VAPB: variants seen among roughly 807,000 people sequenced by gnomAD.
The protein encoded by VAPB is vesicle-associated membrane protein-associated protein B/C.
In VAPB, 7 loss-of-function variants were observed where a neutral mutation model predicts 25.6. The ratio of observed to expected loss-of-function variants is 0.27; its 90% CI spans 0.16 to 0.51. The LOEUF (loss-of-function observed/expected upper bound fraction) is 0.51, where lower values mean the gene tolerates loss of function less well. Ranked by LOEUF, VAPB falls within the 20% of genes least tolerant of loss-of-function variation. The pLI is 0.97. For synonymous variants in VAPB, 112 were observed against 109.2 expected (o/e 1.03, Z -0.16); for missense variants, 266 against 301.3 (o/e 0.88, Z 0.87).
At chr20:58,402,015 C>G (rs1988106696) in intron 1 of VAPB, among the ~76,000 whole-genome samples, 1 of 152,180 alleles carries the variant, frequency 6.6e-6, no homozygotes, top group Non-Finnish European at 1.5e-5. Flanking sequence ...GTCTTCTTGT[C>G]CGAGTCTTCT....
chr20:58,444,280 T>C lies in VAPB; in HGVS notation c.*45T>C, dbSNP rs1383049675. 2 of 1,613,484 alleles carry C rather than the reference T, an allele frequency of 1.2e-6. No homozygotes were observed. The highest frequency in any genetic ancestry group is 2.7e-5 in the African/African-American group (2 of 74,926). ...GTAAATTGGATTGGTGGATCCACCATATCATGGGATTTAAATTTATCATAA... is the reference window on the plus strand; with the variant it reads ...GTAAATTGGATTGGTGGATCCACCACATCATGGGATTTAAATTTATCATAA... On this transcript the variant is annotated 3_prime_UTR_variant, in exon 6 of 6. Coordinates refer to ENST00000475243, the MANE Select transcript of VAPB (RefSeq NM_004738.5).
At chr20:58,414,675 G>C (rs1259736539) in intron 1 of VAPB, among the ~76,000 whole-genome samples, 4 of 151,982 alleles carry the variant, frequency 2.6e-5, no homozygotes, top group Non-Finnish European at 5.9e-5. Flanking sequence ...ATGGCGGCCG[G>C]AAAGAGGCGC....
At chr20:58,430,746 T>G (rs1988909248) in intron 2 of VAPB, among the ~76,000 whole-genome samples, 1 of 151,952 alleles carries the variant, frequency 6.6e-6, no homozygotes, top group Non-Finnish European at 1.5e-5. Context: ...CAGATAATTT[T>G]TGTATTTTTA....
intron 2 of VAPB, among the ~76,000 whole-genome samples, chr20:58,430,820 C>T (rs952879119): frequency 6.6e-6 from 1 of 152,198 alleles, no homozygotes; most frequent in Admixed American, 6.5e-5. Context: ...AGGTGATCCA[C>T]CCGCCTCGGC....
At chr20:58,395,569 T>C (rs182158352) in intron 1 of VAPB, among the ~76,000 whole-genome samples, 1 of 152,234 alleles carries the variant, frequency 6.6e-6, no homozygotes, top group Non-Finnish European at 1.5e-5. Context: ...CAAAGAGTGC[T>C]GAGTTCCATT....
chr20:58,420,227 C>T (rs751128396), intron 2 of VAPB, among the ~76,000 whole-genome samples: 1 of 152,174 alleles, frequency 6.6e-6, no homozygotes, highest in South Asian at 2.1e-4. Context: ...TCAAGTGATC[C>T]GCCTGCCTCG....
chr20:58,426,344 T>G (rs1392255498), intron 2 of VAPB, among the ~76,000 whole-genome samples: 1 of 152,144 alleles, frequency 6.6e-6, no homozygotes, highest in Non-Finnish European at 1.5e-5. Context: ...ACTACAGACA[T>G]GCACCACCAT....
At position 58,402,386 on chromosome 20, in the gene VAPB, G is replaced by A. The variant is rs762907913; in HGVS notation, c.58+12869G>A. Among the ~76,000 whole-genome samples the A allele has an allele frequency of 9.2e-5, 14 of 151,934 alleles. No homozygotes were observed. In the South Asian group the frequency reaches 1.9e-3, roughly 20 times the overall value. ...CTTTTCCTCTTGTTTGTTTCACTGC[G>A]TCCCCCTGCTTACCTTTGAGGCTCA... On this transcript the variant is annotated intron_variant, in intron 1 of 5. Transcript: ENST00000475243.
chr20:58,441,321 T>C (rs1394438794), intron 5 of VAPB, among the ~76,000 whole-genome samples: 1 of 151,446 alleles, frequency 6.6e-6, no homozygotes, highest in African/African-American at 2.4e-5. Flanking sequence ...CTGTTGAAGC[T>C]CTTGTCCCCT....
chr20:58,413,838 T>G, intron 1 of VAPB, among the ~76,000 whole-genome samples: 1 of 117,264 alleles, frequency 8.5e-6, no homozygotes, highest in Admixed American at 8.6e-5. Context: ...CCCCGCCACC[T>G]CCCTCCCAGA....
At chr20:58,419,683 G>A (rs1254302378) in intron 2 of VAPB, among the ~76,000 whole-genome samples, 3 of 152,154 alleles carry the variant, frequency 2.0e-5, no homozygotes, top group African/African-American at 7.2e-5. Flanking sequence ...AGAAAGGAAG[G>A]AACTGGGATT....
intron 1 of VAPB, among the ~76,000 whole-genome samples, chr20:58,390,989 C>A: frequency 6.6e-6 from 1 of 152,234 alleles, no homozygotes; most frequent in East Asian, 1.9e-4. Flanking sequence ...CCAAACCTAC[C>A]GTGGATTGTA....
intron 1 of VAPB, among the ~76,000 whole-genome samples, chr20:58,395,250 C>T (rs1227887148): frequency 1.3e-5 from 2 of 149,488 alleles, no homozygotes; most frequent in African/African-American, 5.0e-5. Flanking sequence ...CTCCTGGGTT[C>T]AAACGATTCT....
At chr20:58,408,893 C>A (rs972362642) in intron 1 of VAPB, among the ~76,000 whole-genome samples, 2 of 123,526 alleles carry the variant, frequency 1.6e-5, no homozygotes, top group South Asian at 6.6e-4. Flanking sequence ...GACAGACACC[C>A]CCCCCCCCCA....
At chr20:58,427,179 C>T (rs1230591633) in intron 2 of VAPB, among the ~76,000 whole-genome samples, 8 of 148,176 alleles carry the variant, frequency 5.4e-5, no homozygotes, top group African/African-American at 5.0e-5. Flanking sequence ...CGAAAGTGAT[C>T]TGTGATCTGT....
At chr20:58,393,211 TG>T (rs1450118938) in intron 1 of VAPB, among the ~76,000 whole-genome samples, 1 of 152,136 alleles carries the variant, frequency 6.6e-6, no homozygotes, top group Non-Finnish European at 1.5e-5. Context: ...TAAATTTTTT[TG>T]TAAAGATAGA....
intron 1 of VAPB, among the ~76,000 whole-genome samples, chr20:58,408,824 C>A (rs1483532439): frequency 6.6e-6 from 1 of 151,492 alleles, no homozygotes; most frequent in African/African-American, 2.4e-5. Context: ...ATTCATGCAG[C>A]ATACATTTTT....
intron 1 of VAPB, among the ~76,000 whole-genome samples, chr20:58,397,158 A>C (rs931079944): frequency 3.3e-5 from 5 of 152,206 alleles, no homozygotes; most frequent in Non-Finnish European, 7.3e-5. Context: ...ACTCCAAAGA[A>C]TGTTTGATTT....
intron 2 of VAPB, among the ~76,000 whole-genome samples, chr20:58,430,750 A>G (rs1346623147): frequency 6.6e-6 from 1 of 150,916 alleles, no homozygotes; most frequent in South Asian, 2.1e-4. Context: ...TAATTTTTGT[A>G]TTTTTAGTAA....
Sources: allele counts gnomAD v4.1 joint callset (sites outside exome capture counted in the v4.1 genomes callset), GRCh38; gene constraint gnomAD v4.1.1; transcripts MANE v1.5; gene names NCBI Gene and HGNC (gene_info 2026-07-23, HGNC 2026-07-21).